Variants in AUTS2 observed in about 807,000 individuals in gnomAD.
AUTS2 encodes autism susceptibility gene 2 protein.
In AUTS2, 17 loss-of-function variants were observed where a neutral mutation model predicts 112.4. The ratio of observed to expected loss-of-function variants is 0.15; its 90% CI spans 0.10 to 0.23. The LOEUF (loss-of-function observed/expected upper bound fraction) is 0.23, where lower values mean the gene tolerates loss of function less well. Among genes scored for constraint, AUTS2 ranks in the 10% least tolerant of loss-of-function variants. The pLI is 1.00. For synonymous variants in AUTS2, 751 were observed against 702.7 expected (o/e 1.07, Z -1.09); for missense variants, 1,510 against 1,701.6 (o/e 0.89, Z 1.98).
chr7:70,532,955 A>G (rs1359115218), intron 5 of AUTS2, among the ~76,000 whole-genome samples: 1 of 152,144 alleles, frequency 6.6e-6, no homozygotes, highest in Non-Finnish European at 1.5e-5. Flanking sequence ...CCACTCCTGA[A>G]AGGATTATAA....
rs1805274120 is a variant in AUTS2 at position 70,631,777 on chromosome 7, T to C, written c.691-66792T>C. Among the ~76,000 whole-genome samples the C allele has an allele frequency of 6.6e-6, 1 of 152,138 alleles. No homozygotes were observed. The stretch of plus-strand genomic sequence containing the variant: ...CAGCAGCAAAATATCCTTGAATCAA[T>C]ACTGCTGCTTGACAGCATCTCCAGC... On this transcript the variant is annotated intron_variant, in intron 5 of 18. Coordinates refer to ENST00000342771, the MANE Select transcript of AUTS2 (RefSeq NM_015570.4). The surrounding 1 kb of genome is among the most constrained non-coding windows in gnomAD (Gnocchi z 4.5).
At chr7:70,216,068 T>C (rs913787371) in intron 4 of AUTS2, among the ~76,000 whole-genome samples, 1 of 152,238 alleles carries the variant, frequency 6.6e-6, no homozygotes, top group Non-Finnish European at 1.5e-5. Flanking sequence ...ACTTCTATCC[T>C]TGAATGCTAG....
At position 70,709,370 on chromosome 7, in the gene AUTS2, G is replaced by A. The variant is rs150429518; in HGVS notation, c.742+10750G>A. Among the ~76,000 whole-genome samples the A allele has an allele frequency of 6.4e-4, 98 of 152,186 alleles. 1 individual carries two copies. In the East Asian group the frequency reaches 0.018, roughly 28 times the overall value. On this transcript the variant is annotated intron_variant, in intron 6 of 18. Coordinates refer to ENST00000342771, the MANE Select transcript of AUTS2 (RefSeq NM_015570.4). ...GGGTATCATGAGAAACTGGGGGGTGGCCTCCAAGACTCCTTGTGAATCTAA... is the reference window on the plus strand; with the variant it reads ...GGGTATCATGAGAAACTGGGGGGTGACCTCCAAGACTCCTTGTGAATCTAA...
intron 6 of AUTS2, among the ~76,000 whole-genome samples, chr7:70,727,693 A>G (rs141641552): frequency 6.6e-6 from 1 of 152,300 alleles, no homozygotes; most frequent in African/African-American, 2.4e-5. Context: ...AATTTGTCTT[A>G]AGATAAAAAG....
At position 69,927,188 on chromosome 7, in the gene AUTS2, A is replaced by T. The variant is rs904150654; in HGVS notation, c.522+27690A>T. On this transcript the variant is annotated intron_variant, in intron 2 of 18. Coordinates refer to ENST00000342771, the MANE Select transcript of AUTS2 (RefSeq NM_015570.4). ...GAATGGAAAATACTCCAATATATTT[A>T]TATATATATATATATATACATACTA... Among the ~76,000 whole-genome samples the T allele has an allele frequency of 1.4e-3, 195 of 143,650 alleles. 1 individual carries two copies. The highest frequency in any genetic ancestry group is 9.0e-3 in the East Asian group (45 of 5,018). The allele number at this position is 143,650 out of a possible 152,430, so 94.2% of individuals were successfully genotyped here. A position where few individuals can be genotyped will look rare whatever the true frequency, so the allele number is the denominator to read the frequency against.
chr7:70,288,639 A>G (rs919742644), intron 4 of AUTS2, among the ~76,000 whole-genome samples: 1 of 152,120 alleles, frequency 6.6e-6, no homozygotes, highest in African/African-American at 2.4e-5. Flanking sequence ...AAGGAGACAG[A>G]AAATGGAGAA....
At chr7:70,274,855 A>G (rs1787856053) in intron 4 of AUTS2, among the ~76,000 whole-genome samples, 2 of 152,316 alleles carry the variant, frequency 1.3e-5, no homozygotes, top group South Asian at 2.1e-4. Context: ...AATTTAACAG[A>G]TAATTACCAT....
chr7:69,832,801 C>T (rs183043136), intron 1 of AUTS2, among the ~76,000 whole-genome samples: 43 of 152,264 alleles, frequency 2.8e-4, no homozygotes, highest in African/African-American at 1.0e-3. Context: ...AGGTTTATAC[C>T]TTCTATCCCT....
At chr7:70,605,513 CTTTT>C (rs11412825) in intron 5 of AUTS2, among the ~76,000 whole-genome samples, 5 of 96,224 alleles carry the variant, frequency 5.2e-5, no homozygotes, top group African/African-American at 1.9e-4. Flanking sequence ...TTTTGTCTTT[CTTTT>C]TTTTTTCTTT....
At chr7:70,733,989 C>G (rs1787617903) in intron 6 of AUTS2, among the ~76,000 whole-genome samples, 1 of 152,268 alleles carries the variant, frequency 6.6e-6, no homozygotes, top group African/African-American at 2.4e-5. Context: ...ACCCTACAGT[C>G]TCTTGGTGGC....
At chr7:69,937,689 TATC>T (rs1796469791) in intron 2 of AUTS2, among the ~76,000 whole-genome samples, 1 of 152,166 alleles carries the variant, frequency 6.6e-6, no homozygotes. Context: ...TTTTTATTAT[TATC>T]ATTATTTCAA....
chr7:70,574,635 G>A (rs1585320091), intron 5 of AUTS2, among the ~76,000 whole-genome samples: 1 of 152,084 alleles, frequency 6.6e-6, no homozygotes, highest in Non-Finnish European at 1.5e-5. Context: ...TTTAACACAG[G>A]CTGGGTTTCA....
chr7:70,654,933 A>G (rs1201398233), intron 5 of AUTS2, among the ~76,000 whole-genome samples: 1 of 152,228 alleles, frequency 6.6e-6, no homozygotes, highest in Non-Finnish European at 1.5e-5. Context: ...CTTGACAGTC[A>G]AAAGGCCAAG....
chr7:69,671,393 A>G (rs1306654218), intron 1 of AUTS2, among the ~76,000 whole-genome samples: 1 of 152,186 alleles, frequency 6.6e-6, no homozygotes, highest in African/African-American at 2.4e-5. Flanking sequence ...TTAAGAAAGC[A>G]TATATGAAAG....
intron 2 of AUTS2, among the ~76,000 whole-genome samples, chr7:70,057,189 T>G (rs1386185181): frequency 6.6e-6 from 1 of 152,166 alleles, no homozygotes; most frequent in Non-Finnish European, 1.5e-5. Context: ...GTTATCTGTA[T>G]CCTTGCGGCT....
intron 1 of AUTS2, among the ~76,000 whole-genome samples, chr7:69,608,794 A>G (rs1370269992): frequency 1.3e-5 from 2 of 152,200 alleles, no homozygotes; most frequent in South Asian, 2.1e-4. Flanking sequence ...TTGACATTAT[A>G]CTTTCACTGG....
intron 1 of AUTS2, among the ~76,000 whole-genome samples, chr7:69,845,102 G>A (rs1045766320): frequency 6.6e-6 from 1 of 152,142 alleles, no homozygotes; most frequent in African/African-American, 2.4e-5. Context: ...TTCAAAGTGT[G>A]TTAGAATTCA....
intron 6 of AUTS2, among the ~76,000 whole-genome samples, chr7:70,759,058 G>A (rs1179475808): frequency 1.3e-5 from 2 of 152,206 alleles, no homozygotes; most frequent in Admixed American, 6.5e-5. Flanking sequence ...GCTGGCTGAA[G>A]TGCAGTGTTA....
At chr7:70,258,259 G>A (rs952496170) in intron 4 of AUTS2, among the ~76,000 whole-genome samples, 18 of 152,316 alleles carry the variant, frequency 1.2e-4, no homozygotes, top group African/African-American at 3.6e-4. Context: ...AGTAACAACT[G>A]TAGAGGTCAA....
Sources: gnomAD v4.1 joint callset for allele counts (sites outside exome capture counted in the v4.1 genomes callset) on GRCh38, gnomAD v4.1.1 for gene constraint, Gnocchi (gnomAD v3.1) non-coding constraint, MANE v1.5 for transcripts, NCBI Gene and HGNC (gene_info 2026-07-23, HGNC 2026-07-21) for gene names.